Variants in ALKBH3 observed in about 807,000 individuals in gnomAD.
ALKBH3 encodes alkB homolog 3, alpha-ketoglutarate dependent dioxygenase.
A neutral mutation model predicts 43.9 loss-of-function variants in ALKBH3; 51 were observed. The observed-to-expected ratio is 1.16, with a 90% CI of 0.93 to 1.47. ALKBH3 has a LOEUF of 1.47. Ranked by LOEUF, ALKBH3 falls within the 40% of genes most tolerant of loss-of-function variation. ALKBH3 has a pLI of 0.00. For synonymous variants in ALKBH3, 102 were observed against 115.2 expected (o/e 0.89, Z 0.73); for missense variants, 361 against 351.9 (o/e 1.03, Z -0.21).
At chr11:43,892,583 C>G (rs1951791884) in intron 7 of ALKBH3, among the ~76,000 whole-genome samples, 1 of 152,172 alleles carries the variant, frequency 6.6e-6, no homozygotes, top group Admixed American at 6.5e-5. Flanking sequence ...TCTCAGACTT[C>G]CGTCTGATTT....
intron 8 of ALKBH3, among the ~76,000 whole-genome samples, chr11:43,903,810 G>A (rs1265153099): frequency 6.6e-6 from 1 of 151,930 alleles, no homozygotes; most frequent in Admixed American, 6.6e-5. Context: ...ATGCTTTTTG[G>A]ATAAATCATT....
intron 4 of ALKBH3, 45 bp from the exon 5 acceptor site, chr11:43,886,561 T>C: frequency 6.3e-7 from 1 of 1,597,580 alleles, no homozygotes; most frequent in Non-Finnish European, 8.6e-7. Flanking sequence ...GTATAGCATA[T>C]TGTTTTGCCT....
At chr11:43,919,893 CAG>C (rs1437777905) in intron 9 of ALKBH3, 23 bp from the exon 10 acceptor site, 2 of 1,595,138 alleles carry the variant, frequency 1.3e-6, no homozygotes, top group Non-Finnish European at 1.7e-6. Flanking sequence ...GTATTTATGT[CAG>C]AGTTATGTGT....
At chr11:43,902,564 C>G (rs1405432665) in intron 8 of ALKBH3, among the ~76,000 whole-genome samples, 1 of 152,204 alleles carries the variant, frequency 6.6e-6, no homozygotes, top group Non-Finnish European at 1.5e-5. Flanking sequence ...CAGACCCAGT[C>G]GGTGTGGAAG....
intron 7 of ALKBH3, chr11:43,897,244 C>T (rs767192154): frequency 1.3e-5 from 7 of 548,226 alleles, no homozygotes; most frequent in Non-Finnish European, 2.1e-5. Context: ...TTAGTGGAAC[C>T]GCGACTGCTC....
At chr11:43,912,701 TA>T (rs1260877437) in intron 8 of ALKBH3, among the ~76,000 whole-genome samples, 3 of 152,216 alleles carry the variant, frequency 2.0e-5, no homozygotes, top group Non-Finnish European at 4.4e-5. Context: ...CTGATTGAGT[TA>T]GGGGTGAGAT....
rs1399863413 is a variant in ALKBH3 at position 43,900,424 on chromosome 11, A to G, written c.460-1092A>G. ...TTTTTAGTAGAGACAGGGTTTCACC[A>G]TATTGGCCAGGCTGGTCTTGAACTC... On this transcript the variant is annotated intron_variant, in intron 7 of 9. Coordinates refer to ENST00000302708, the MANE Select transcript of ALKBH3 (RefSeq NM_139178.4). Among the ~76,000 whole-genome samples, 3 of 151,816 alleles carry G rather than the reference A, an allele frequency of 2.0e-5. No homozygotes were observed. The East Asian group carries it at 5.8e-4, about 29-fold the overall frequency.
chr11:43,913,182 T>C (rs1448972644), intron 8 of ALKBH3, among the ~76,000 whole-genome samples: 1 of 152,046 alleles, frequency 6.6e-6, no homozygotes, highest in Non-Finnish European at 1.5e-5. Flanking sequence ...TACAGACAGC[T>C]TCATTCAGGT....
At chr11:43,919,220 G>A in intron 9 of ALKBH3, 84 bp downstream of exon 9, 1 of 1,203,500 alleles carries the variant, frequency 8.3e-7, no homozygotes, top group Non-Finnish European at 1.2e-6. Flanking sequence ...TAGACATGGT[G>A]AAAAGCAAGC....
chr11:43,910,849 A>G (rs1479292017), intron 8 of ALKBH3, among the ~76,000 whole-genome samples: 2 of 151,836 alleles, frequency 1.3e-5, no homozygotes, highest in African/African-American at 2.4e-5. Context: ...TCCATTACCC[A>G]GATGTCAGGT....
chr11:43,881,472 G>A (rs1261315440), intron 1 of ALKBH3: 1 of 152,272 alleles, frequency 6.6e-6, no homozygotes, highest in Non-Finnish European at 1.5e-5. Flanking sequence ...CCTCTGCGGG[G>A]ACTGTAGGTA....
intron 6 of ALKBH3, among the ~76,000 whole-genome samples, chr11:43,891,437 CTAT>C (rs146441320): frequency 4.0e-5 from 6 of 151,730 alleles, no homozygotes; most frequent in African/African-American, 1.2e-4. Context: ...TTAGCTGCTG[CTAT>C]TATTATTATT....
chr11:43,915,055 A>C (rs1368275879), intron 8 of ALKBH3, among the ~76,000 whole-genome samples: 1 of 151,986 alleles, frequency 6.6e-6, no homozygotes, highest in Non-Finnish European at 1.5e-5. Context: ...AAAATAAAAA[A>C]AAATTAGCCA....
In ALKBH3 at chr11:43,883,850, G is replaced by T. The variant is rs1051415463; in HGVS notation, c.184-133G>T. 17 of 998,462 alleles carry T rather than the reference G, an allele frequency of 1.7e-5. No individual in the cohort carries two copies. The South Asian group carries it at 2.7e-4, about 16-fold the overall frequency. The allele number at this position is 998,462 out of a possible 1,614,324, so 61.9% of individuals were successfully genotyped here. Reference sequence around the variant, plus strand: ...AGAGTGGAGACAAGGGTCTCTAGTGGGTTAGTGAGAAGTTGGAATAGAAAA... The same window carrying T: ...AGAGTGGAGACAAGGGTCTCTAGTGTGTTAGTGAGAAGTTGGAATAGAAAA... On this transcript the variant is annotated intron_variant, in intron 3 of 9. Transcript: ENST00000302708.
At position 43,901,689 on chromosome 11, in the gene ALKBH3, C is replaced by T; in HGVS notation, c.633C>T (p.Ala211=). 1 of 1,614,220 alleles carries T rather than the reference C, an allele frequency of 6.2e-7. No individual in the cohort carries two copies. Among genetic ancestry groups the T allele is most frequent in the Non-Finnish European group, 8.5e-7 (1 of 1,180,040 alleles). The change falls in exon 8 of 10, where the codon GCC becomes GCT. Residue 211 remains alanine, a synonymous_variant. Transcript: ENST00000302708. The part of the protein sequence containing the change: ...CPIIASLSFG[A]TRTFEMRKKP... ...TTATTGCTTCACTAAGTTTTGGTGC[C>T]ACACGCACATTTGAGATGAGAAAGA...
chr11:43,901,133 T>C (rs907173910), intron 7 of ALKBH3, among the ~76,000 whole-genome samples: 3 of 152,216 alleles, frequency 2.0e-5, no homozygotes, highest in Admixed American at 6.5e-5. Context: ...TAGTGACATA[T>C]CGGCTTTGCT....
intron 8 of ALKBH3, among the ~76,000 whole-genome samples, chr11:43,904,752 A>G (rs1951884911): frequency 6.6e-6 from 1 of 152,162 alleles, no homozygotes; most frequent in African/African-American, 2.4e-5. Flanking sequence ...ATTTTTGTCT[A>G]CTTTTCTTTA....
At chr11:43,912,579 G>A (rs1347959574) in intron 8 of ALKBH3, 1 of 152,154 alleles carries the variant, frequency 6.6e-6, no homozygotes, top group African/African-American at 2.4e-5. Flanking sequence ...CAGAGATGGA[G>A]GTTTTTCTAT....
At chr11:43,903,534 TCTC>T (rs1951876913) in intron 8 of ALKBH3, among the ~76,000 whole-genome samples, 1 of 152,144 alleles carries the variant, frequency 6.6e-6, no homozygotes, top group Non-Finnish European at 1.5e-5. Flanking sequence ...AAATTGTCTT[TCTC>T]CTCCTGGAGC....
Sources: gnomAD v4.1 joint callset for allele counts (sites outside exome capture counted in the v4.1 genomes callset) on GRCh38, gnomAD v4.1.1 for gene constraint, MANE v1.5 for transcripts, NCBI Gene and HGNC (gene_info 2026-07-23, HGNC 2026-07-21) for gene names.